The following FGF12 variants were observed in gnomAD, a reference collection of about 807,000 sequenced individuals.
The protein encoded by FGF12 is fibroblast growth factor 12B.
FGF12 carries 14 observed loss-of-function variants against 23.6 expected under a neutral mutation model. The observed-to-expected ratio is 0.59, with a 90% CI of 0.39 to 0.93. The LOEUF (loss-of-function observed/expected upper bound fraction) is 0.93, where lower values mean the gene tolerates loss of function less well. Ranked by LOEUF, FGF12 falls within the 40% of genes least tolerant of loss-of-function variation. The pLI is 0.00. For synonymous variants in FGF12, 62 were observed against 77.3 expected (o/e 0.80, Z 1.04); for missense variants, 175 against 217.8 (o/e 0.80, Z 1.24).
chr3:192,339,094 A>G (rs1056568385), intron 3 of FGF12, among the ~76,000 whole-genome samples: 2 of 152,168 alleles, frequency 1.3e-5, no homozygotes, highest in African/African-American at 4.8e-5. Flanking sequence ...AATGGCCTTT[A>G]GCTGGTTTGC....
intron 5 of FGF12, among the ~76,000 whole-genome samples, chr3:192,158,378 C>CTTTCTTTCTTTCTT (rs1560171507): frequency 1.8e-5 from 2 of 111,286 alleles, no homozygotes; most frequent in African/African-American, 7.1e-5. Flanking sequence ...TTCTTTCTTT[C>CTTTCTTTCTTTCTT]TTTCTTTTCT....
At chr3:192,485,385 T>C (rs914402139) in intron 2 of FGF12, among the ~76,000 whole-genome samples, 2 of 152,172 alleles carry the variant, frequency 1.3e-5, no homozygotes, top group African/African-American at 2.4e-5. Context: ...CACCAGACTT[T>C]TGAAAAGTTA....
intron 4 of FGF12, among the ~76,000 whole-genome samples, chr3:192,233,065 A>G (rs1218273863): frequency 6.6e-6 from 1 of 152,132 alleles, no homozygotes; most frequent in Non-Finnish European, 1.5e-5. Flanking sequence ...TTGGGTGTAC[A>G]TTCACTAAAG....
intron 4 of FGF12, among the ~76,000 whole-genome samples, chr3:192,259,086 T>C (rs1406317127): frequency 6.6e-6 from 1 of 152,178 alleles, no homozygotes; most frequent in African/African-American, 2.4e-5. Flanking sequence ...AGATCCATCA[T>C]GAGTAGCTTT....
At chr3:192,156,247 G>C (rs906165266) in intron 5 of FGF12, among the ~76,000 whole-genome samples, 3 of 152,054 alleles carry the variant, frequency 2.0e-5, no homozygotes, top group Non-Finnish European at 4.4e-5. Context: ...TGTCTTCCCA[G>C]TTCCCCAATC....
chr3:192,595,621 C>T (rs986127651), intron 2 of FGF12, among the ~76,000 whole-genome samples: 9 of 152,158 alleles, frequency 5.9e-5, no homozygotes, highest in South Asian at 2.1e-4. Context: ...CTCAAGAATT[C>T]GCATTTCTAA....
chr3:192,157,734 T>A (rs1714502873), intron 5 of FGF12, among the ~76,000 whole-genome samples: 1 of 152,160 alleles, frequency 6.6e-6, no homozygotes, highest in African/African-American at 2.4e-5. Flanking sequence ...AAAAGTAAAA[T>A]CTTGGGCATT....
chr3:192,451,541 T>C (rs1003874469), intron 2 of FGF12, among the ~76,000 whole-genome samples: 1 of 152,192 alleles, frequency 6.6e-6, no homozygotes, highest in African/African-American at 2.4e-5. Flanking sequence ...AAGTTTGTGA[T>C]GATTAGTAGA....
At chr3:192,330,468 G>A (rs1338082939) in intron 4 of FGF12, among the ~76,000 whole-genome samples, 1 of 152,134 alleles carries the variant, frequency 6.6e-6, no homozygotes, top group East Asian at 1.9e-4. Flanking sequence ...ACACAATGGA[G>A]AAAGGTTAGC....
intron 2 of FGF12, among the ~76,000 whole-genome samples, chr3:192,555,579 T>C (rs1235269516): frequency 6.8e-6 from 1 of 147,574 alleles, no homozygotes; most frequent in African/African-American, 2.5e-5. Context: ...GGTCAGGAGT[T>C]GGAGACCAGC....
At chr3:192,537,950 C>CTTTTTTTTTTTTTTT (rs370317111) in intron 2 of FGF12, among the ~76,000 whole-genome samples, 8 of 121,396 alleles carry the variant, frequency 6.6e-5, no homozygotes, top group East Asian at 4.5e-4. Flanking sequence ...AGCCTTTAAC[C>CTTTTTTTTTTTTTTT]TTTTTTTTTT....
In FGF12 at chr3:192,608,326, G is replaced by A. The variant is rs190555931; in HGVS notation, c.13+118855C>T. On this transcript the variant is annotated intron_variant, in intron 2 of 5. Coordinates refer to ENST00000445105, the MANE Select transcript of FGF12 (RefSeq NM_004113.6). The stretch of plus-strand genomic sequence containing the variant: ...ATTGGAATGTTTGTGACACAAAGAA[G>A]TGATAAATGTTTGAGGTGATGGATA... 9.8e-4 allele frequency among the ~76,000 whole-genome samples: 149 copies of A among 152,244 alleles called. 1 individual carries two copies. The highest frequency in any genetic ancestry group is 3.3e-3 in the African/African-American group (138 of 41,550).
chr3:192,585,423 T>C (rs1345358962), intron 2 of FGF12, among the ~76,000 whole-genome samples: 3 of 152,060 alleles, frequency 2.0e-5, no homozygotes, highest in Admixed American at 2.0e-4. Flanking sequence ...TCAGTAGAGA[T>C]CATATCCAAC....
rs115190247 is a variant in FGF12 at position 192,342,376 on chromosome 3, C to T, written c.125-6912G>A. ...ATGGCAGAATCATGGGATGCATAGG[C>T]CTGGTAAGGGTAGGAGTATGTGTGT... On this transcript the variant is annotated intron_variant, in intron 3 of 5. Coordinates refer to ENST00000445105, the MANE Select transcript of FGF12 (RefSeq NM_004113.6). Among the ~76,000 whole-genome samples the T allele has an allele frequency of 9.1e-3, 1,386 of 152,056 alleles. 25 individuals are homozygous for T. The highest frequency in any genetic ancestry group is 0.032 in the African/African-American group (1,323 of 41,470).
rs140166350 is a variant in FGF12, at chr3:192,621,997, T to C, written c.13+105184A>G. ...TTGAGAACTCAGATCTTTCCAGTTG[T>C]TGGTGAGTAGCCCACTGAGGAAAAG... On this transcript the variant is annotated intron_variant, in intron 2 of 5. Transcript: ENST00000445105. Among the ~76,000 whole-genome samples, 71 of 152,320 alleles carry C rather than the reference T, an allele frequency of 4.7e-4. 1 individual carries two copies. In the East Asian group the frequency reaches 0.014, roughly 29 times the overall value.
At chr3:192,684,951 T>C (rs1195168859) in intron 2 of FGF12, among the ~76,000 whole-genome samples, 1 of 152,254 alleles carries the variant, frequency 6.6e-6, no homozygotes, top group African/African-American at 2.4e-5. Context: ...ACTTGTGTTA[T>C]GTGGCCTTGG....
chr3:192,641,803 T>C (rs1321289359), intron 2 of FGF12, among the ~76,000 whole-genome samples: 2 of 152,246 alleles, frequency 1.3e-5, no homozygotes, highest in Non-Finnish European at 2.9e-5. Context: ...AAAAGTGTTA[T>C]TGAAACACAG....
chr3:192,716,615 C>A (rs1193551952), intron 2 of FGF12, among the ~76,000 whole-genome samples: 1 of 152,142 alleles, frequency 6.6e-6, no homozygotes, highest in Admixed American at 6.5e-5. Flanking sequence ...AGGAAAGAAT[C>A]CAGCCCCATA....
intron 3 of FGF12, among the ~76,000 whole-genome samples, chr3:192,343,092 T>A (rs1455425878): frequency 6.6e-6 from 1 of 152,146 alleles, no homozygotes; most frequent in Non-Finnish European, 1.5e-5. Context: ...TCTTTCCAAG[T>A]AACTTCTAAG....
Sources: allele counts gnomAD v4.1 joint callset (sites outside exome capture counted in the v4.1 genomes callset), GRCh38; gene constraint gnomAD v4.1.1; transcripts MANE v1.5; gene names NCBI Gene and HGNC (gene_info 2026-07-23, HGNC 2026-07-21).